The following SLC16A9 variants were observed in gnomAD, a reference collection of about 807,000 sequenced individuals.
The protein encoded by SLC16A9 is monocarboxylate transporter 9.
In SLC16A9, 26 loss-of-function variants were observed where a neutral mutation model predicts 44.3. The observed-to-expected ratio is 0.59, with a 90% CI of 0.43 to 0.81. The LOEUF (loss-of-function observed/expected upper bound fraction) is 0.81. Among genes scored for constraint, SLC16A9 ranks in the 40% least tolerant of loss-of-function variants. SLC16A9 has a pLI of 0.00. For missense variants in SLC16A9, 559 were observed against 595.8 expected (o/e 0.94, Z 0.64); for synonymous variants, 230 against 225.1 (o/e 1.02, Z -0.19).
intron 3 of SLC16A9, among the ~76,000 whole-genome samples, chr10:59,670,994 CTTTAT>C (rs1003198306): frequency 1.3e-5 from 2 of 152,154 alleles, no homozygotes; most frequent in African/African-American, 4.8e-5. Context: ...TAACTCAACT[CTTTAT>C]TTTATTGTTA....
At chr10:59,662,245 G>A (rs1293340983) in intron 4 of SLC16A9, among the ~76,000 whole-genome samples, 1 of 151,716 alleles carries the variant, frequency 6.6e-6, no homozygotes, top group Non-Finnish European at 1.5e-5. Flanking sequence ...ATCTGATAAA[G>A]GGCTAGTATC....
chr10:59,669,353 G>A (rs775179497), intron 3 of SLC16A9, among the ~76,000 whole-genome samples: 58 of 152,142 alleles, frequency 3.8e-4, no homozygotes, highest in Non-Finnish European at 8.5e-4. Context: ...TTGGCTGTGT[G>A]GCTTACAATC....
At chr10:59,674,846 G>T (rs1839825791) in intron 2 of SLC16A9, among the ~76,000 whole-genome samples, 7 of 152,180 alleles carry the variant, frequency 4.6e-5, no homozygotes, top group Admixed American at 3.9e-4. Context: ...AAGCCTCAGA[G>T]CCTGGGAGTG....
At chr10:59,657,410 G>A (rs1355653819) in intron 4 of SLC16A9, among the ~76,000 whole-genome samples, 1 of 151,850 alleles carries the variant, frequency 6.6e-6, no homozygotes, top group Non-Finnish European at 1.5e-5. Context: ...TTTGATGCGG[G>A]GTTTCTTTTT....
chr10:59,704,343 C>A (rs1840593741), intron 1 of SLC16A9, among the ~76,000 whole-genome samples: 1 of 152,142 alleles, frequency 6.6e-6, no homozygotes, highest in African/African-American at 2.4e-5. Context: ...TCCGGGTAAA[C>A]CTTGTGAAGA....
intron 2 of SLC16A9, among the ~76,000 whole-genome samples, chr10:59,678,244 A>G (rs1211126739): frequency 6.6e-6 from 1 of 152,088 alleles, no homozygotes. Flanking sequence ...ATTTCCTAAC[A>G]GAGTGGATCA....
At chr10:59,685,868 T>C (rs1270604283) in intron 1 of SLC16A9, among the ~76,000 whole-genome samples, 1 of 152,238 alleles carries the variant, frequency 6.6e-6, no homozygotes, top group Non-Finnish European at 1.5e-5. Context: ...AGCATTGAGC[T>C]AATTCATATT....
chr10:59,671,461 T>C (rs964184390), intron 3 of SLC16A9, among the ~76,000 whole-genome samples: 1 of 152,222 alleles, frequency 6.6e-6, no homozygotes, highest in Non-Finnish European at 1.5e-5. Flanking sequence ...AGAGTTTGCA[T>C]GGCTTCCCCT....
At chr10:59,709,395 G>A (rs886594924) in intron 1 of SLC16A9, 84 bp downstream of exon 1, 1 of 152,520 alleles carries the variant, frequency 6.6e-6, no homozygotes, top group African/African-American at 2.4e-5. Context: ...CTCCGAGTCG[G>A]AGTTACTTCT....
At chr10:59,683,239 TG>T (rs1840061944) in intron 2 of SLC16A9, among the ~76,000 whole-genome samples, 1 of 152,226 alleles carries the variant, frequency 6.6e-6, no homozygotes, top group African/African-American at 2.4e-5. Context: ...GATCACCATC[TG>T]TTGTGCTTAA....
At chr10:59,653,445 A>AAAAAAAAAAAG (rs1839262695) in intron 5 of SLC16A9, among the ~76,000 whole-genome samples, 1 of 148,820 alleles carries the variant, frequency 6.7e-6, no homozygotes, top group Non-Finnish European at 1.5e-5. Context: ...AAAAAAAAAA[A>AAAAAAAAAAAG]GCAGGCATTT....
chr10:59,655,090 G>A (rs192844733), intron 4 of SLC16A9, among the ~76,000 whole-genome samples: 103 of 152,252 alleles, frequency 6.8e-4, no homozygotes, highest in Admixed American at 1.8e-3. Context: ...AGGAGTTCGA[G>A]ACCATCCTGG....
At chr10:59,705,563 T>C (rs914412628) in intron 1 of SLC16A9, among the ~76,000 whole-genome samples, 10 of 152,154 alleles carry the variant, frequency 6.6e-5, no homozygotes, top group Non-Finnish European at 1.5e-4. Context: ...AGAAAATGAC[T>C]ATACACTGCA....
intron 3 of SLC16A9, among the ~76,000 whole-genome samples, chr10:59,666,787 T>G (rs879131122): frequency 1.3e-5 from 2 of 151,698 alleles, no homozygotes; most frequent in Admixed American, 1.3e-4. Context: ...CTTGGGTGTC[T>G]GGCTGATATT....
At chr10:59,664,915 T>C (rs1839574546) in intron 3 of SLC16A9, among the ~76,000 whole-genome samples, 1 of 152,230 alleles carries the variant, frequency 6.6e-6, no homozygotes. Flanking sequence ...AATGTAGTAA[T>C]GTCTTTACTT....
chr10:59,687,675 TA>T (rs1446436173), intron 1 of SLC16A9, among the ~76,000 whole-genome samples: 6 of 152,120 alleles, frequency 3.9e-5, no homozygotes, highest in African/African-American at 1.4e-4. Flanking sequence ...TTACTTTATT[TA>T]AAGCTTTGGG....
At chr10:59,663,205 C>CA (rs888905504) in intron 4 of SLC16A9, among the ~76,000 whole-genome samples, 2 of 151,848 alleles carry the variant, frequency 1.3e-5, no homozygotes, top group Admixed American at 6.6e-5. Flanking sequence ...ACTAAAAATA[C>CA]AAAAAATTAG....
intron 2 of SLC16A9, among the ~76,000 whole-genome samples, chr10:59,681,899 C>T (rs181328362): frequency 4.2e-5 from 6 of 144,322 alleles, no homozygotes; most frequent in Non-Finnish European, 7.5e-5. Context: ...CACACGCAGG[C>T]GTAAGTTGTA....
intron 1 of SLC16A9, among the ~76,000 whole-genome samples, chr10:59,704,278 C>T (rs1840592272): frequency 6.6e-6 from 1 of 152,168 alleles, no homozygotes; most frequent in South Asian, 2.1e-4. Context: ...CTCCACACAC[C>T]TACTACCCAA....
Sources: allele counts gnomAD v4.1 joint callset (sites outside exome capture counted in the v4.1 genomes callset), GRCh38; gene constraint gnomAD v4.1.1; transcripts MANE v1.5; gene names NCBI Gene and HGNC (gene_info 2026-07-23, HGNC 2026-07-21).